Variants in DIAPH2 observed in about 807,000 individuals in gnomAD.
The protein encoded by DIAPH2 is diaphanous related formin 2.
In DIAPH2, 35 loss-of-function variants were observed where a neutral mutation model predicts 92.7. The observed-to-expected ratio is 0.38, with a 90% CI of 0.29 to 0.50. DIAPH2 has a LOEUF of 0.50. Among genes scored for constraint, DIAPH2 ranks in the 20% least tolerant of loss-of-function variants. DIAPH2 has a pLI of 0.94. For synonymous variants in DIAPH2, 301 were observed against 280.4 expected, an observed-to-expected ratio of 1.07 and a Z score of -0.73; for missense variants, 701 against 819.5, an observed-to-expected ratio of 0.86 and a Z score of 1.77.
At chrX:96,709,192 C>T (rs974142962) in intron 1 of DIAPH2, among the ~76,000 whole-genome samples, 2 of 112,106 alleles carry the variant, frequency 1.8e-5, no homozygotes, top group South Asian at 3.7e-4. Flanking sequence ...TAAAGTACTT[C>T]GTTTCTGTTT....
At chrX:96,935,635 A>C (rs1407996570) in intron 10 of DIAPH2, among the ~76,000 whole-genome samples, 1 of 111,362 alleles carries the variant, frequency 9.0e-6, no homozygotes, top group African/African-American at 3.3e-5. Context: ...CACATGTCTA[A>C]ATTTTATATT....
intron 4 of DIAPH2, among the ~76,000 whole-genome samples, chrX:96,830,480 A>AGAAT (rs1177086785): frequency 1.9e-5 from 2 of 102,912 alleles, no homozygotes; most frequent in Non-Finnish European, 3.9e-5. Context: ...CTGAGGCAGG[A>AGAAT]GAATGACGTG....
chrX:96,945,474 T>C lies in DIAPH2; in HGVS notation c.1445-53T>C. On this transcript the variant is annotated intron_variant, in intron 13 of 26. Transcript: ENST00000324765. ...GAGTTATAGGCTAGAAGACGTCTTT[T>C]GTCTAGTGATCTCATGCCATAATTT... The C allele has an allele frequency of 3.2e-6, 3 of 929,548 alleles. No individual in the cohort carries two copies. The South Asian group carries it at 7.0e-5, about 22-fold the overall frequency. The allele number at this position is 929,548 out of a possible 1,213,427, so 76.6% of individuals were successfully genotyped here.
At chrX:96,825,354 C>CTTTCTTTTTT (rs2064807976) in intron 4 of DIAPH2, among the ~76,000 whole-genome samples, 1 of 82,589 alleles carries the variant, frequency 1.2e-5, no homozygotes. Context: ...CATGTGTTTT[C>CTTTCTTTTTT]TTTTTTTTTT....
intron 1 of DIAPH2, among the ~76,000 whole-genome samples, chrX:96,698,144 T>G (rs1473020922): frequency 1.8e-5 from 2 of 112,153 alleles, no homozygotes; most frequent in Non-Finnish European, 3.8e-5. Flanking sequence ...ATTTTCTTGT[T>G]GTTTGTACGT....
chrX:97,514,338 C>G (rs1199785652), intron 26 of DIAPH2, among the ~76,000 whole-genome samples: 2 of 111,830 alleles, frequency 1.8e-5, no homozygotes, highest in East Asian at 5.6e-4. Context: ...ACGTAGTTCT[C>G]GAGCCTTGGT....
At chrX:97,108,389 CAG>C (rs1313739672) in intron 20 of DIAPH2, among the ~76,000 whole-genome samples, 29 of 112,188 alleles carry the variant, frequency 2.6e-4, no homozygotes, top group African/African-American at 9.1e-4. Context: ...CAAATTTCAG[CAG>C]AGTTTTTATT....
At chrX:96,727,524 G>A (rs753516365) in intron 1 of DIAPH2, among the ~76,000 whole-genome samples, 56 of 111,682 alleles carry the variant, frequency 5.0e-4, no homozygotes, top group Non-Finnish European at 8.5e-4. Context: ...TGCTCCTTTT[G>A]TCTGACTTCC....
intron 26 of DIAPH2, among the ~76,000 whole-genome samples, chrX:97,432,594 C>T (rs2070138726): frequency 8.9e-6 from 1 of 111,920 alleles, no homozygotes; most frequent in Admixed American, 9.5e-5. Context: ...TCAAGTGATT[C>T]TGCTGACTCA....
intron 22 of DIAPH2, among the ~76,000 whole-genome samples, chrX:97,171,194 G>A (rs375553543): frequency 2.7e-5 from 3 of 112,114 alleles, no homozygotes; most frequent in African/African-American, 6.5e-5. Context: ...ATTTTCTCAC[G>A]TAAGAATGTA....
intron 22 of DIAPH2, among the ~76,000 whole-genome samples, chrX:97,170,034 G>A (rs1417391987): frequency 8.9e-6 from 1 of 111,904 alleles, no homozygotes; most frequent in Non-Finnish European, 1.9e-5. Flanking sequence ...CATTTAGAGA[G>A]ATGAGGAAGA....
chrX:96,689,964 A>T (rs1052390363), intron 1 of DIAPH2, among the ~76,000 whole-genome samples: 1 of 109,224 alleles, frequency 9.2e-6, no homozygotes, highest in Non-Finnish European at 1.9e-5. Flanking sequence ...GAGGCTTTTT[A>T]AAAAAATGTT....
intron 17 of DIAPH2, among the ~76,000 whole-genome samples, chrX:97,058,045 G>C (rs757636506): frequency 1.1e-4 from 12 of 110,812 alleles, no homozygotes; most frequent in Non-Finnish European, 1.3e-4. Context: ...TTTCATTAAA[G>C]AGTGATTCCA....
chrX:97,291,379 C>A lies in DIAPH2; in HGVS notation c.2844+43540C>A, dbSNP rs944586945. ...CACCACTGCATTCCAGCCTGGGCAA[C>A]AAGAGCAAAAACTCTGTCTCAAAAA... On this transcript the variant is annotated intron_variant, in intron 23 of 26. Transcript: ENST00000324765. Among the ~76,000 whole-genome samples the A allele has an allele frequency of 5.4e-5, 6 of 110,830 alleles. No homozygotes were observed. The Admixed American group carries it at 5.8e-4, about 11-fold the overall frequency.
At chrX:97,307,699 A>G (rs183618128) in intron 23 of DIAPH2, among the ~76,000 whole-genome samples, 2,345 of 109,227 alleles carry the variant, frequency 0.021, 84 homozygotes, top group African/African-American at 0.074. Context: ...ACCTGAGGTC[A>G]GGGGTTCAAG....
intron 5 of DIAPH2, among the ~76,000 whole-genome samples, chrX:96,896,597 ATTTG>A (rs1413246792): frequency 1.8e-5 from 2 of 112,142 alleles, no homozygotes; most frequent in African/African-American, 3.2e-5. Flanking sequence ...AATTAAAATT[ATTTG>A]TTTGTTTTGG....
chrX:96,935,451 C>A (rs980287810), intron 10 of DIAPH2, among the ~76,000 whole-genome samples: 4 of 110,848 alleles, frequency 3.6e-5, no homozygotes, highest in African/African-American at 9.8e-5. Flanking sequence ...TACAGTAGGT[C>A]CTTGAATAAT....
intron 19 of DIAPH2, among the ~76,000 whole-genome samples, chrX:97,096,613 C>T (rs1344772894): frequency 9.0e-6 from 1 of 111,265 alleles, no homozygotes; most frequent in African/African-American, 3.3e-5. Context: ...GTATTGAAGC[C>T]TTCTAGGTGC....
chrX:97,157,357 T>C (rs2067332071), intron 22 of DIAPH2, among the ~76,000 whole-genome samples: 1 of 109,007 alleles, frequency 9.2e-6, no homozygotes, highest in Non-Finnish European at 1.9e-5. Flanking sequence ...ATAATAATGA[T>C]TATAATAATA....
Sources: gnomAD v4.1 joint callset for allele counts (sites outside exome capture counted in the v4.1 genomes callset) on GRCh38, gnomAD v4.1.1 for gene constraint, MANE v1.5 for transcripts, NCBI Gene and HGNC (gene_info 2026-07-23, HGNC 2026-07-21) for gene names.